Variants in PDSS2 observed in about 807,000 individuals in gnomAD.
PDSS2 encodes all trans-polyprenyl-diphosphate synthase PDSS2.
In PDSS2, 31 loss-of-function variants were observed where a neutral mutation model predicts 44.5. That is an observed-to-expected ratio of 0.70 (90% CI 0.52 to 0.94). The LOEUF (loss-of-function observed/expected upper bound fraction) is 0.94. PDSS2 is among the 40% of genes least tolerant of loss of function. The pLI, the probability that PDSS2 is intolerant of heterozygous loss-of-function variation, is 0.00. For synonymous variants in PDSS2, 157 were observed against 180.3 expected (o/e 0.87, Z 1.03); for missense variants, 452 against 482.2 (o/e 0.94, Z 0.59).
chr6:107,436,498 A>G (rs529975023), intron 1 of PDSS2, among the ~76,000 whole-genome samples: 1 of 152,336 alleles, frequency 6.6e-6, no homozygotes, highest in African/African-American at 2.4e-5. Flanking sequence ...AAATTCAGTT[A>G]CTGAGTACTG....
chr6:107,225,164 T>TATA (rs1289535741), intron 4 of PDSS2, among the ~76,000 whole-genome samples: 1 of 42,978 alleles, frequency 2.3e-5, no homozygotes, highest in African/African-American at 1.3e-4. Flanking sequence ...TATATATATT[T>TATA]TTTTTTTTTT....
chr6:107,159,987 G>A lies in PDSS2; in HGVS notation c.1042-5210C>T, dbSNP rs536961971. ...TTCCAGCACTTTGGGAGGCCTTGGA[G>A]GGCGGATCACTTGAGGTCAGGAGTT... On this transcript the variant is annotated intron_variant, in intron 7 of 7. Coordinates refer to ENST00000369037, the MANE Select transcript of PDSS2 (RefSeq NM_020381.4). 3.7e-4 allele frequency among the ~76,000 whole-genome samples: 57 copies of A among 152,240 alleles called. 2 individuals carry two copies. Among genetic ancestry groups the A allele is most frequent in the African/African-American group, 1.0e-3 (42 of 41,560 alleles).
At chr6:107,389,007 T>C (rs929252182) in intron 1 of PDSS2, among the ~76,000 whole-genome samples, 1 of 152,184 alleles carries the variant, frequency 6.6e-6, no homozygotes, top group Non-Finnish European at 1.5e-5. Context: ...ATTTTATTCA[T>C]ATAATATTCT....
At chr6:107,393,906 C>T (rs1326111007) in intron 1 of PDSS2, among the ~76,000 whole-genome samples, 1 of 152,138 alleles carries the variant, frequency 6.6e-6, no homozygotes, top group Non-Finnish European at 1.5e-5. Context: ...AGCTTTCTTG[C>T]TATTTGTTTG....
chr6:107,427,363 C>T (rs1340596810), intron 1 of PDSS2, among the ~76,000 whole-genome samples: 3 of 152,154 alleles, frequency 2.0e-5, no homozygotes, highest in Non-Finnish European at 4.4e-5. Context: ...AAGTCCATTA[C>T]ATCTTTTTTT....
rs545451762 is a variant in PDSS2, at chr6:107,214,167, G to A, written c.703-1885C>T. ...CACCCAGGCTGGAGTGCAGTGGCGC[G>A]ATCTCGGCTCACTGCAAGCTCTGCC... On this transcript the variant is annotated intron_variant, in intron 4 of 7. Transcript: ENST00000369037. Among the ~76,000 whole-genome samples the A allele has an allele frequency of 4.2e-4, 64 of 150,838 alleles. No homozygotes were observed. The South Asian group carries it at 0.012, about 29-fold the overall frequency.
At chr6:107,304,202 C>T (rs1776784579) in intron 2 of PDSS2, among the ~76,000 whole-genome samples, 1 of 152,144 alleles carries the variant, frequency 6.6e-6, no homozygotes, top group South Asian at 2.1e-4. Context: ...TCTCCCCAAC[C>T]CTGGTTGAGT....
At position 107,241,567 on chromosome 6, in the gene PDSS2, C is replaced by G. The variant is rs187316404; in HGVS notation, c.702+3981G>C. On this transcript the variant is annotated intron_variant, in intron 4 of 7. Transcript: ENST00000369037. ...TTCACCGTGTTAGCCAGGACGGCCT[C>G]GATCTCCTGACCTCGTGATCTGCCC... Among the ~76,000 whole-genome samples the G allele has an allele frequency of 3.0e-3, 458 of 151,968 alleles. 1 individual carries two copies. Among genetic ancestry groups the G allele is most frequent in the Non-Finnish European group, 4.6e-3 (310 of 67,954 alleles).
At chr6:107,158,076 A>T (rs782458284) in intron 7 of PDSS2, among the ~76,000 whole-genome samples, 1 of 152,114 alleles carries the variant, frequency 6.6e-6, no homozygotes, top group Non-Finnish European at 1.5e-5. Context: ...AAATAAGCTG[A>T]TTTATTCCTC....
rs7768295 is a variant in PDSS2 at position 107,214,628 on chromosome 6, A to G, written c.703-2346T>C. ...CACTTTTCTTCCTGCTCCTGATCCT[A>G]TAATCCTTTCTCTTTTCACAATTGC... is the stretch of plus-strand genomic sequence containing the variant. On this transcript the variant is annotated intron_variant, in intron 4 of 7. Transcript: ENST00000369037. 2.6e-3 allele frequency among the ~76,000 whole-genome samples: 389 copies of G among 152,296 alleles called. 2 individuals carry two copies. Among genetic ancestry groups the G allele is most frequent in the African/African-American group, 8.4e-3 (350 of 41,558 alleles).
chr6:107,354,641 AAGTC>A (rs766376546), intron 1 of PDSS2, among the ~76,000 whole-genome samples: 1 of 152,226 alleles, frequency 6.6e-6, no homozygotes, highest in African/African-American at 2.4e-5. Flanking sequence ...ATCTGGAAGA[AAGTC>A]AGTCAGTCAG....
intron 2 of PDSS2, among the ~76,000 whole-genome samples, chr6:107,298,830 T>A (rs969875067): frequency 6.6e-6 from 1 of 151,998 alleles, no homozygotes; most frequent in Non-Finnish European, 1.5e-5. Context: ...CCATAGCAAA[T>A]GAAGTTAACA....
intron 1 of PDSS2, among the ~76,000 whole-genome samples, chr6:107,448,023 C>G (rs374899814): frequency 1.3e-5 from 2 of 152,240 alleles, no homozygotes; most frequent in African/African-American, 2.4e-5. Flanking sequence ...TGTACCTTGG[C>G]CCCTTTTAGC....
chr6:107,264,659 A>G (rs1204476721), intron 3 of PDSS2: 1 of 549,960 alleles, frequency 1.8e-6, no homozygotes, highest in East Asian at 2.9e-5. Context: ...AATCCTAAAT[A>G]CAAACCCAGT....
intron 1 of PDSS2, among the ~76,000 whole-genome samples, chr6:107,378,876 GAACACA>G (rs1394930858): frequency 3.3e-5 from 5 of 152,198 alleles, no homozygotes; most frequent in Non-Finnish European, 5.9e-5. Context: ...CTGGAAGGAA[GAACACA>G]GCACTAATGT....
chr6:107,353,839 T>C (rs920992163), intron 1 of PDSS2, among the ~76,000 whole-genome samples: 1 of 152,172 alleles, frequency 6.6e-6, no homozygotes, highest in Non-Finnish European at 1.5e-5. Flanking sequence ...AAAATGTATT[T>C]TTCTATTCTT....
At chr6:107,352,694 G>C (rs1263703889) in intron 1 of PDSS2, among the ~76,000 whole-genome samples, 1 of 152,174 alleles carries the variant, frequency 6.6e-6, no homozygotes, top group Non-Finnish European at 1.5e-5. Flanking sequence ...ATAGAGAAGT[G>C]GTTCTTAACT....
chr6:107,228,368 A>C (rs1453319482), intron 4 of PDSS2, among the ~76,000 whole-genome samples: 2 of 152,124 alleles, frequency 1.3e-5, no homozygotes, highest in African/African-American at 4.8e-5. Context: ...TATACTTCAC[A>C]AAACATTTGC....
intron 1 of PDSS2, among the ~76,000 whole-genome samples, chr6:107,411,357 G>A (rs1046024473): frequency 1.3e-5 from 2 of 152,196 alleles, no homozygotes; most frequent in Non-Finnish European, 2.9e-5. Context: ...AACAATGTAT[G>A]ACATCATTTA....
Sources: allele counts gnomAD v4.1 joint callset (sites outside exome capture counted in the v4.1 genomes callset), GRCh38; gene constraint gnomAD v4.1.1; transcripts MANE v1.5; gene names NCBI Gene and HGNC (gene_info 2026-07-23, HGNC 2026-07-21).